The following PTBP3 variants were observed in gnomAD, a reference collection of about 807,000 sequenced individuals.
PTBP3 encodes polypyrimidine tract-binding protein 3.
In PTBP3, 20 loss-of-function variants were observed where a neutral mutation model predicts 58.7. The observed-to-expected ratio is 0.34, with a 90% CI of 0.24 to 0.50. PTBP3 has a LOEUF of 0.50. Among genes scored for constraint, PTBP3 ranks in the 20% least tolerant of loss-of-function variants. The pLI is 0.98. For synonymous variants in PTBP3, 185 were observed against 219.8 expected (o/e 0.84, Z 1.40); for missense variants, 509 against 637.2 (o/e 0.80, Z 2.17).
chr9:112,308,369 A>T lies in PTBP3; in HGVS notation c.-51-10453T>A, dbSNP rs1434589215. 2.6e-5 allele frequency among the ~76,000 whole-genome samples: 4 copies of T among 151,820 alleles called. No homozygotes were observed. The East Asian group carries it at 7.7e-4, about 29-fold the overall frequency. ...TTTTATTTAAAAAAAAAAAAAAAAA[A>T]AAAAAAAAAAAACTTTTCTTTCCTA... On this transcript the variant is annotated intron_variant, in intron 1 of 13. Coordinates refer to ENST00000374257, the MANE Select transcript of PTBP3 (RefSeq NM_001163788.4).
intron 12 of PTBP3, among the ~76,000 whole-genome samples, chr9:112,224,865 A>G (rs1413113785): frequency 6.6e-6 from 1 of 152,246 alleles, no homozygotes; most frequent in Admixed American, 6.5e-5. Flanking sequence ...AGAAGTCCTC[A>G]TGACAAGGAA....
intron 5 of PTBP3, among the ~76,000 whole-genome samples, chr9:112,253,943 C>T (rs1836241769): frequency 6.6e-6 from 1 of 152,136 alleles, no homozygotes; most frequent in Admixed American, 6.5e-5. Context: ...CTAATATTCA[C>T]TCCATTTTAA....
the PTBP3 span, among the ~76,000 whole-genome samples, chr9:112,357,982 A>C: frequency 1.3e-5 from 2 of 152,164 alleles, no homozygotes; most frequent in African/African-American, 4.8e-5. Flanking sequence ...TAAAATGGTA[A>C]ATTTTATGTT....
the PTBP3 span, among the ~76,000 whole-genome samples, chr9:112,351,556 T>A: frequency 6.6e-6 from 1 of 152,322 alleles, no homozygotes; most frequent in Admixed American, 6.5e-5. Context: ...ACTTAAGGAA[T>A]GGGGAGCTAT....
chr9:112,279,523 C>G (rs1372001715), intron 2 of PTBP3, among the ~76,000 whole-genome samples: 1 of 152,054 alleles, frequency 6.6e-6, no homozygotes, highest in Non-Finnish European at 1.5e-5. Flanking sequence ...AAGACATCCA[C>G]CCACATTTTA....
chr9:112,320,314 A>ATATATATATATATATATATATATAT, intron 1 of PTBP3, among the ~76,000 whole-genome samples: 21 of 75,684 alleles, frequency 2.8e-4, no homozygotes, highest in African/African-American at 1.1e-3. Context: ...ATATATATAT[A>ATATATATATATATATATATATATAT]TTTTTTTTTA....
chr9:112,334,632 G>C (rs1022772321), upstream of PTBP3, among the ~76,000 whole-genome samples: 1 of 152,150 alleles, frequency 6.6e-6, no homozygotes, highest in Admixed American at 6.5e-5. Flanking sequence ...TCCTCCCCGT[G>C]GCTTCGTCAT....
At chr9:112,335,347 A>G (rs1011113043), upstream of PTBP3, among the ~76,000 whole-genome samples, 3 of 151,688 alleles carry the variant, frequency 2.0e-5, no homozygotes, top group Admixed American at 1.3e-4. Context: ...GTGCAGTGGC[A>G]CAATCTGAGC....
intron 8 of PTBP3, among the ~76,000 whole-genome samples, chr9:112,234,595 T>C (rs997532873): frequency 3.9e-5 from 6 of 152,188 alleles, no homozygotes; most frequent in Admixed American, 2.6e-4. Context: ...ACATAAATGA[T>C]GCAGAACACA....
At chr9:112,358,900 G>T in the PTBP3 span, among the ~76,000 whole-genome samples, 1 of 152,156 alleles carries the variant, frequency 6.6e-6, no homozygotes, top group African/African-American at 2.4e-5. Context: ...GCAGTACAGT[G>T]GCACAATCAC....
intron 12 of PTBP3, among the ~76,000 whole-genome samples, chr9:112,226,927 T>C (rs1444816021): frequency 6.6e-6 from 1 of 152,214 alleles, no homozygotes; most frequent in Non-Finnish European, 1.5e-5. Context: ...CACTGGTTAA[T>C]AAAGAGACCT....
Position 112,313,077 on chromosome 9 carries a change from A to C in PTBP3, c.-51-15161T>G, listed in dbSNP as rs180968045. 2.6e-5 allele frequency among the ~76,000 whole-genome samples: 4 copies of C among 152,270 alleles called. No individual in the cohort carries two copies. In the East Asian group the frequency reaches 7.7e-4, roughly 29 times the overall value. ...AAAAGGAAAAGGAAAATCAAAGTAC[A>C]TATGTGGTATGTACACACTATGGTA... On this transcript the variant is annotated intron_variant, in intron 1 of 13. Transcript: ENST00000374257.
In PTBP3 at chr9:112,221,660, C is replaced by T; in HGVS notation, c.*2191G>A. 1 of 985,246 alleles carries T rather than the reference C, an allele frequency of 1.0e-6. No homozygotes were observed. The highest frequency in any genetic ancestry group is 1.2e-6 in the Non-Finnish European group (1 of 829,816). 61.0% of individuals were successfully genotyped at this position (985,246 alleles called of 1,614,324 possible). ...AAGTAAAAAAACAAAAAACTAAAAA[C>T]TCCCACAACTACATACATGAGTATA... On this transcript the variant is annotated 3_prime_UTR_variant, in exon 14 of 14. Coordinates refer to ENST00000374257, the MANE Select transcript of PTBP3 (RefSeq NM_001163788.4).
chr9:112,257,940 CAA>C (rs56934009), intron 5 of PTBP3, among the ~76,000 whole-genome samples: 1 of 119,334 alleles, frequency 8.4e-6, no homozygotes, highest in East Asian at 2.9e-4. Context: ...GACTCCATCT[CAA>C]AAAAAAAAAA....
chr9:112,350,779 C>G, the PTBP3 span, among the ~76,000 whole-genome samples: 3 of 152,108 alleles, frequency 2.0e-5, no homozygotes, highest in African/African-American at 7.2e-5. Flanking sequence ...TGAGGTTGCA[C>G]TCAAATAATT....
At chr9:112,301,516 C>T (rs1828935767) in intron 1 of PTBP3, among the ~76,000 whole-genome samples, 1 of 151,754 alleles carries the variant, frequency 6.6e-6, no homozygotes. Context: ...AGATAATATG[C>T]TCTATGATTT....
chr9:112,372,695 T>C, the PTBP3 span, among the ~76,000 whole-genome samples: 1 of 152,194 alleles, frequency 6.6e-6, no homozygotes, highest in African/African-American at 2.4e-5. Context: ...TTCTTTCACT[T>C]AGCACAACGT....
At chr9:112,240,452 G>A (rs1388080808) in intron 7 of PTBP3, among the ~76,000 whole-genome samples, 1 of 152,002 alleles carries the variant, frequency 6.6e-6, no homozygotes, top group African/African-American at 2.4e-5. Context: ...TAACACTGTA[G>A]TGCAACATAT....
At chr9:112,348,589 G>A in the PTBP3 span, among the ~76,000 whole-genome samples, 1 of 152,222 alleles carries the variant, frequency 6.6e-6, no homozygotes, top group Non-Finnish European at 1.5e-5. Flanking sequence ...AATCGGGAGA[G>A]CGGAGGCAAC....
Sources: gnomAD v4.1 joint callset for allele counts (sites outside exome capture counted in the v4.1 genomes callset) on GRCh38, gnomAD v4.1.1 for gene constraint, MANE v1.5 for transcripts, NCBI Gene and HGNC (gene_info 2026-07-23, HGNC 2026-07-21) for gene names.